Variants in MACROD2 observed in about 807,000 individuals in gnomAD.
MACROD2 encodes the protein ADP-ribose glycohydrolase MACROD2.
MACROD2 carries 36 observed loss-of-function variants against 70.4 expected under a neutral mutation model. The observed-to-expected ratio is 0.51, with a 90% CI of 0.39 to 0.68. The LOEUF (loss-of-function observed/expected upper bound fraction) is 0.68. Among genes scored for constraint, MACROD2 ranks in the 30% least tolerant of loss-of-function variants. The probability of loss-of-function intolerance (pLI) is 0.00; values close to 1 mark genes in which losing one functional copy is unlikely to be tolerated. For missense variants in MACROD2, 496 were observed against 538.4 expected, an observed-to-expected ratio of 0.92 and a Z score of 0.78; for synonymous variants, 172 against 178.8, an observed-to-expected ratio of 0.96 and a Z score of 0.30.
chr20:14,083,617 T>G (rs1340045973), intron 2 of MACROD2, among the ~76,000 whole-genome samples: 1 of 152,144 alleles, frequency 6.6e-6, no homozygotes, highest in African/African-American at 2.4e-5. Context: ...TCTTTCCCAC[T>G]ATCTGGCAGA....
At chr20:14,271,360 C>T (rs774199292) in intron 3 of MACROD2, among the ~76,000 whole-genome samples, 65 of 152,180 alleles carry the variant, frequency 4.3e-4, no homozygotes, top group Admixed American at 1.2e-3. Flanking sequence ...CTGCAGCCAC[C>T]GCTGCTGATA....
chr20:16,036,556 T>G (rs2067239335), intron 15 of MACROD2, among the ~76,000 whole-genome samples: 1 of 152,012 alleles, frequency 6.6e-6, no homozygotes. Flanking sequence ...ACCTCTTGTT[T>G]GTGTTTCAAC....
intron 12 of MACROD2, among the ~76,000 whole-genome samples, chr20:15,952,306 A>C (rs1412937829): frequency 6.6e-6 from 1 of 152,102 alleles, no homozygotes. Context: ...CTCAGGGTGG[A>C]TGGTTAAAGC....
chr20:14,169,898 T>G (rs569120669), intron 3 of MACROD2, among the ~76,000 whole-genome samples: 3 of 152,136 alleles, frequency 2.0e-5, no homozygotes. Flanking sequence ...TCTGTTAACT[T>G]TTTTTATCCC....
intron 3 of MACROD2, among the ~76,000 whole-genome samples, chr20:14,298,455 C>G (rs929347844): frequency 2.0e-5 from 3 of 151,410 alleles, no homozygotes; most frequent in African/African-American, 7.3e-5. Flanking sequence ...GTAATCCTAG[C>G]TACTCAGGAG....
At chr20:14,084,248 A>G (rs2054047114) in intron 2 of MACROD2, among the ~76,000 whole-genome samples, 2 of 151,748 alleles carry the variant, frequency 1.3e-5, no homozygotes, top group South Asian at 2.1e-4. Flanking sequence ...CTCATAACCT[A>G]TCACCTCTAA....
intron 2 of MACROD2, among the ~76,000 whole-genome samples, chr20:14,012,625 T>C (rs2052928391): frequency 6.6e-6 from 1 of 152,226 alleles, no homozygotes. Flanking sequence ...TTTTCTCTGC[T>C]TCTTGGGAGT....
intron 4 of MACROD2, among the ~76,000 whole-genome samples, chr20:14,497,596 C>T (rs1399628899): frequency 6.6e-6 from 1 of 151,390 alleles, no homozygotes; most frequent in Non-Finnish European, 1.5e-5. Context: ...CTGATAGAAC[C>T]CAAGCAGGAT....
At chr20:15,357,407 G>A (rs1280806703) in intron 6 of MACROD2, among the ~76,000 whole-genome samples, 3 of 152,052 alleles carry the variant, frequency 2.0e-5, no homozygotes, top group African/African-American at 4.8e-5. Context: ...TTCATTTAAA[G>A]CATTCCTTTT....
chr20:15,579,044 T>C (rs2048487966), intron 8 of MACROD2, among the ~76,000 whole-genome samples: 1 of 152,220 alleles, frequency 6.6e-6, no homozygotes, highest in African/African-American at 2.4e-5. Context: ...ATATTTTGAA[T>C]TGGTCGTTCT....
chr20:16,047,470 G>A (rs79696121), intron 17 of MACROD2, among the ~76,000 whole-genome samples: 4,564 of 152,250 alleles, frequency 0.03, 212 homozygotes, highest in African/African-American at 0.1. Context: ...TGAACCTTTG[G>A]TTCTGGAGAA....
At chr20:14,770,886 C>T (rs190567191) in intron 5 of MACROD2, among the ~76,000 whole-genome samples, 140 of 152,142 alleles carry the variant, frequency 9.2e-4, no homozygotes, top group Non-Finnish European at 1.7e-3. Context: ...ACATATGCTA[C>T]ATTATATTTT....
chr20:15,432,574 A>C (rs2046376377), intron 7 of MACROD2, among the ~76,000 whole-genome samples: 1 of 152,086 alleles, frequency 6.6e-6, no homozygotes, highest in Non-Finnish European at 1.5e-5. Flanking sequence ...TATTTGCTTA[A>C]AGGAAGTATT....
At chr20:15,015,057 T>C (rs2075111084) in intron 5 of MACROD2, among the ~76,000 whole-genome samples, 1 of 152,114 alleles carries the variant, frequency 6.6e-6, no homozygotes, top group Non-Finnish European at 1.5e-5. Context: ...TTAGAATGGA[T>C]CAGGATGTCC....
intron 3 of MACROD2, among the ~76,000 whole-genome samples, chr20:14,291,091 C>G (rs2082382719): frequency 6.6e-6 from 1 of 151,912 alleles, no homozygotes; most frequent in Admixed American, 6.6e-5. Context: ...CAAGTTGTAC[C>G]AAAAAGGAAA....
intron 6 of MACROD2, among the ~76,000 whole-genome samples, chr20:15,425,280 A>G (rs749072068): frequency 6.6e-6 from 1 of 152,246 alleles, no homozygotes; most frequent in Non-Finnish European, 1.5e-5. Context: ...GTAGAGGAAG[A>G]TGTGCTTAAA....
At chr20:15,889,209 G>A (rs1399430445) in intron 10 of MACROD2, among the ~76,000 whole-genome samples, 1 of 152,138 alleles carries the variant, frequency 6.6e-6, no homozygotes, top group African/African-American at 2.4e-5. Flanking sequence ...CAAAGCATGA[G>A]GTCAATGAAT....
chr20:14,990,172 A>C lies in MACROD2; in HGVS notation c.419-239768A>C, dbSNP rs1287027068. 7.2e-5 allele frequency among the ~76,000 whole-genome samples: 11 copies of C among 152,016 alleles called. No homozygotes were observed. In the East Asian group the frequency reaches 1.2e-3, roughly 16 times the overall value. On this transcript the variant is annotated intron_variant, in intron 5 of 17. Coordinates refer to ENST00000684519, the MANE Select transcript of MACROD2 (RefSeq NM_001351661.2). The stretch of plus-strand genomic sequence containing the variant: ...AGCCCCAGAGAGGAGCCAGCTGTTC[A>C]CATTTCCAAAACCCCTATGTCAACG...
chr20:14,451,253 C>A (rs2084241841), intron 3 of MACROD2, among the ~76,000 whole-genome samples: 1 of 152,002 alleles, frequency 6.6e-6, no homozygotes. Flanking sequence ...ACCAGCCAGG[C>A]CAATATGGCG....
Sources: allele counts gnomAD v4.1 joint callset (sites outside exome capture counted in the v4.1 genomes callset), GRCh38; gene constraint gnomAD v4.1.1; transcripts MANE v1.5; gene names NCBI Gene and HGNC (gene_info 2026-07-23, HGNC 2026-07-21).